The following CNTNAP5 variants were observed in gnomAD, a reference collection of about 807,000 sequenced individuals.
CNTNAP5 encodes the protein contactin-associated protein-like 5.
A neutral mutation model predicts 150.2 loss-of-function variants in CNTNAP5; 72 were observed. That is an observed-to-expected ratio of 0.48 (90% CI 0.40 to 0.58). The LOEUF (loss-of-function observed/expected upper bound fraction) is 0.58, where lower values mean the gene tolerates loss of function less well. Ranked by LOEUF, CNTNAP5 falls within the 20% of genes least tolerant of loss-of-function variation. The pLI is 0.00. For synonymous variants in CNTNAP5, 672 were observed against 619.8 expected (o/e 1.08, Z -1.25); for missense variants, 1,636 against 1,626.2 (o/e 1.01, Z -0.10).
intron 1 of CNTNAP5, among the ~76,000 whole-genome samples, chr2:124,075,393 T>TC (rs1682414039): frequency 1.3e-5 from 2 of 152,124 alleles, no homozygotes; most frequent in Admixed American, 1.3e-4. Context: ...TTTTTTGCCA[T>TC]CATCAGTAAG....
chr2:124,744,367 CCT>C (rs1280227433), intron 13 of CNTNAP5, among the ~76,000 whole-genome samples: 1 of 152,116 alleles, frequency 6.6e-6, no homozygotes, highest in African/African-American at 2.4e-5. Context: ...GTCCATTAAT[CCT>C]CTTTTTCTTT....
intron 3 of CNTNAP5, among the ~76,000 whole-genome samples, chr2:124,273,673 A>C (rs758177565): frequency 6.6e-6 from 1 of 152,196 alleles, no homozygotes; most frequent in Non-Finnish European, 1.5e-5. Context: ...ACCCTGGTTC[A>C]CCTGAATGTG....
intron 8 of CNTNAP5, among the ~76,000 whole-genome samples, chr2:124,508,850 C>T (rs192196218): frequency 6.6e-6 from 1 of 152,146 alleles, no homozygotes; most frequent in South Asian, 2.1e-4. Flanking sequence ...AACAAATAAT[C>T]AAACAAAAAC....
intron 14 of CNTNAP5, among the ~76,000 whole-genome samples, chr2:124,757,540 T>G (rs2105157696): frequency 6.6e-6 from 1 of 152,334 alleles, no homozygotes; most frequent in East Asian, 1.9e-4. Context: ...GGCAAATGCT[T>G]TGGCATCTAA....
intron 3 of CNTNAP5, among the ~76,000 whole-genome samples, chr2:124,380,009 T>C (rs1165662906): frequency 6.6e-6 from 1 of 152,166 alleles, no homozygotes; most frequent in Non-Finnish European, 1.5e-5. Context: ...TGTTTTATTA[T>C]TTTTCTTAAA....
At chr2:124,911,695 T>C (rs1260556683) in intron 23 of CNTNAP5, among the ~76,000 whole-genome samples, 157 bp downstream of exon 23, 1 of 152,056 alleles carries the variant, frequency 6.6e-6, no homozygotes, top group Non-Finnish European at 1.5e-5. Flanking sequence ...TCCTGTGTGC[T>C]GAATGATCAA....
chr2:124,067,092 T>C (rs1187836241), intron 1 of CNTNAP5, among the ~76,000 whole-genome samples: 1 of 152,190 alleles, frequency 6.6e-6, no homozygotes, highest in South Asian at 2.1e-4. Flanking sequence ...TGCTTTGCAC[T>C]TGATATATAT....
chr2:124,201,868 A>G (rs1159621260), intron 1 of CNTNAP5, among the ~76,000 whole-genome samples: 1 of 152,244 alleles, frequency 6.6e-6, no homozygotes. Flanking sequence ...CACATTCCAT[A>G]GTAATGGTTC....
intron 19 of CNTNAP5, among the ~76,000 whole-genome samples, chr2:124,856,021 C>T (rs776260826): frequency 1.1e-4 from 16 of 151,912 alleles, no homozygotes; most frequent in African/African-American, 3.1e-4. Flanking sequence ...GTTCCATCCA[C>T]GTTGCTGCGA....
At chr2:124,664,940 G>A (rs1340739447) in intron 13 of CNTNAP5, among the ~76,000 whole-genome samples, 1 of 152,166 alleles carries the variant, frequency 6.6e-6, no homozygotes, top group Non-Finnish European at 1.5e-5. Context: ...ACCCGCCTTG[G>A]CCTCCCAAAG....
At chr2:124,806,447 C>T (rs1006570072) in intron 19 of CNTNAP5, among the ~76,000 whole-genome samples, 2 of 152,108 alleles carry the variant, frequency 1.3e-5, no homozygotes, top group Admixed American at 1.3e-4. Flanking sequence ...TGTCCTGCCA[C>T]CTGTGATGTA....
chr2:124,070,387 C>T (rs1258468030), intron 1 of CNTNAP5, among the ~76,000 whole-genome samples: 4 of 93,748 alleles, frequency 4.3e-5, no homozygotes, highest in Non-Finnish European at 6.0e-5. Context: ...AACAGAGTGG[C>T]TGAATGGGGA....
At position 124,673,319 on chromosome 2, in the gene CNTNAP5, T is replaced by G. The variant is rs186283292; in HGVS notation, c.2077+25361T>G. ...ATGAATTTAATCTGGTGATTGCAGT[T>G]GCAGTGATGGCACTGATGACGATGA... is the stretch of plus-strand genomic sequence containing the variant. On this transcript the variant is annotated intron_variant, in intron 13 of 23. Coordinates refer to ENST00000682447, the MANE Select transcript of CNTNAP5 (RefSeq NM_001367498.1). Among the ~76,000 whole-genome samples, 7 of 152,288 alleles carry G rather than the reference T, an allele frequency of 4.6e-5. No individual in the cohort carries two copies. In the East Asian group the frequency reaches 1.3e-3, roughly 29 times the overall value.
chr2:124,379,709 C>T (rs1219684154), intron 3 of CNTNAP5, among the ~76,000 whole-genome samples: 1 of 152,128 alleles, frequency 6.6e-6, no homozygotes, highest in Non-Finnish European at 1.5e-5. Flanking sequence ...CTTGTGAGGT[C>T]TGGCAGCGCC....
rs139182961 is a variant in CNTNAP5, at chr2:124,355,510, T to A, written c.382-61933T>A. Among the ~76,000 whole-genome samples the A allele has an allele frequency of 4.9e-3, 745 of 152,260 alleles. 6 individuals are homozygous for A. The highest frequency in any genetic ancestry group is 0.016 in the African/African-American group (684 of 41,564). On this transcript the variant is annotated intron_variant, in intron 3 of 23. Coordinates refer to ENST00000682447, the MANE Select transcript of CNTNAP5 (RefSeq NM_001367498.1). ...CACCCTACCCTCCCACTGAACCAACTTTTCCATGTCAGCCCTGTATGCTGC... is the reference window on the plus strand; with the variant it reads ...CACCCTACCCTCCCACTGAACCAACATTTCCATGTCAGCCCTGTATGCTGC...
chr2:124,876,685 G>T (rs928864729), intron 21 of CNTNAP5, among the ~76,000 whole-genome samples: 15 of 151,768 alleles, frequency 9.9e-5, no homozygotes, highest in African/African-American at 3.6e-4. Flanking sequence ...AAATGCATAG[G>T]CTTCTCAAAT....
At chr2:124,805,809 C>A (rs1199647518) in intron 19 of CNTNAP5, among the ~76,000 whole-genome samples, 1 of 152,130 alleles carries the variant, frequency 6.6e-6, no homozygotes, top group African/African-American at 2.4e-5. Flanking sequence ...TGTTGGCCAC[C>A]TTTCCCTGTG....
intron 11 of CNTNAP5, among the ~76,000 whole-genome samples, chr2:124,600,200 A>AT (rs1188100646): frequency 7.0e-6 from 1 of 142,830 alleles, no homozygotes; most frequent in Non-Finnish European, 1.6e-5. Flanking sequence ...TTTTTTTTTT[A>AT]TTTTTATTTT....
At chr2:124,671,117 C>T (rs1287832388) in intron 13 of CNTNAP5, among the ~76,000 whole-genome samples, 1 of 152,132 alleles carries the variant, frequency 6.6e-6, no homozygotes, top group East Asian at 1.9e-4. Context: ...TGCCTTTCCT[C>T]ACCCATCCTT....
Sources: allele counts gnomAD v4.1 joint callset (sites outside exome capture counted in the v4.1 genomes callset), GRCh38; gene constraint gnomAD v4.1.1; transcripts MANE v1.5; gene names NCBI Gene and HGNC (gene_info 2026-07-23, HGNC 2026-07-21).